The following DPRX variants were observed in gnomAD, a reference collection of about 807,000 sequenced individuals.
The protein encoded by DPRX is divergent paired-related homeobox.
Under a neutral mutation model 8.4 loss-of-function variants are expected in DPRX, and 11 were observed. That is an observed-to-expected ratio of 1.31 (90% CI 0.82 to 2.17). The LOEUF (loss-of-function observed/expected upper bound fraction) is 2.17, where lower values mean the gene tolerates loss of function less well. Ranked by LOEUF, DPRX falls within the 30% of genes most tolerant of loss-of-function variation. The pLI, the probability that DPRX is intolerant of heterozygous loss-of-function variation, is 0.00. For synonymous variants in DPRX, 72 were observed against 87.0 expected, an observed-to-expected ratio of 0.83 and a Z score of 0.96; for missense variants, 211 against 236.7, an observed-to-expected ratio of 0.89 and a Z score of 0.71.
chr19:53,631,349 G>C (rs1212803149), upstream of DPRX, among the ~76,000 whole-genome samples: 3 of 151,888 alleles, frequency 2.0e-5, no homozygotes, highest in Admixed American at 2.0e-4. Flanking sequence ...ACTAAATCAG[G>C]ATATGCAGAA....
exon 2 of DPRX, chr19:53,634,650 G>T: frequency 6.2e-7 from 1 of 1,613,888 alleles, no homozygotes; most frequent in Non-Finnish European, 8.5e-7. Context: ...GAAAGAAATG[G>T]CCTCGAAAAT....
At chr19:53,627,435 CTTTCTTT>C (rs1368375519), upstream of DPRX, among the ~76,000 whole-genome samples, 1 of 102,540 alleles carries the variant, frequency 9.8e-6, no homozygotes, top group East Asian at 2.7e-4. Context: ...TTCTTTCTTT[CTTTCTTT>C]TTTTTTTTTT....
intron 2 of DPRX, among the ~76,000 whole-genome samples, chr19:53,636,211 C>G (rs1306892582): frequency 1.3e-5 from 2 of 151,650 alleles, no homozygotes; most frequent in African/African-American, 4.8e-5. Context: ...ACTAAAAATA[C>G]AAAAATTAGC....
At chr19:53,636,871 C>T (rs2091115008) in exon 3 of DPRX, 1 of 1,614,196 alleles carries the variant, frequency 6.2e-7, no homozygotes, top group Non-Finnish European at 8.5e-7. Context: ...TCCATTTTGG[C>T]TGCTGCCGAG....
upstream of DPRX, among the ~76,000 whole-genome samples, chr19:53,629,430 T>A (rs1476404459): frequency 1.3e-5 from 2 of 151,532 alleles, no homozygotes; most frequent in Admixed American, 1.3e-4. Context: ...ACATATTATA[T>A]AATGTAATTT....
exon 3 of DPRX, chr19:53,636,677 C>A: frequency 6.2e-7 from 1 of 1,614,114 alleles, no homozygotes; most frequent in Non-Finnish European, 8.5e-7. Flanking sequence ...TCCACAACCG[C>A]CAATACCAGA....
the DPRX span, among the ~76,000 whole-genome samples, chr19:53,620,312 G>A: frequency 3.2e-4 from 49 of 151,522 alleles, no homozygotes; most frequent in African/African-American, 1.0e-3. Flanking sequence ...CTCATGATCC[G>A]CCCACCTTGG....
chr19:53,634,442 T>C (rs1373480536), intron 1 of DPRX, 89 bp from the exon 2 acceptor site: 1 of 1,489,660 alleles, frequency 6.7e-7, no homozygotes, highest in East Asian at 2.3e-5. Flanking sequence ...CATCACGTTG[T>C]ACCTCAGTGG....
the DPRX span, among the ~76,000 whole-genome samples, chr19:53,615,186 G>A: frequency 6.6e-6 from 1 of 151,896 alleles, no homozygotes; most frequent in Non-Finnish European, 1.5e-5. Context: ...TGACCAGGCT[G>A]GTCTCGAACT....
At chr19:53,608,235 T>A in the DPRX span, 3 of 146,542 alleles carry the variant, frequency 2.0e-5, no homozygotes, top group East Asian at 2.0e-4. Flanking sequence ...AATTAAAAAA[T>A]AAAAAAAAAT....
At chr19:53,614,883 G>T in the DPRX span, among the ~76,000 whole-genome samples, 1 of 151,964 alleles carries the variant, frequency 6.6e-6, no homozygotes, top group South Asian at 2.1e-4. Flanking sequence ...ACTTTGGGAG[G>T]CTAAGGCAGG....
chr19:53,602,641 C>A, the DPRX span, among the ~76,000 whole-genome samples: 1 of 151,268 alleles, frequency 6.6e-6, no homozygotes, highest in African/African-American at 2.4e-5. Flanking sequence ...TCAAATAATT[C>A]TCCTGCCTCA....
At chr19:53,624,895 T>G in the DPRX span, among the ~76,000 whole-genome samples, 2,574 of 147,856 alleles carry the variant, frequency 0.017, 69 homozygotes, top group African/African-American at 0.061. Context: ...ACAAATCAGA[T>G]GAGATCGGGC....
chr19:53,609,856 A>T, the DPRX span, among the ~76,000 whole-genome samples: 32 of 152,038 alleles, frequency 2.1e-4, no homozygotes, highest in Admixed American at 1.1e-3. Context: ...GTGGTGGCAC[A>T]CACCTATAGT....
chr19:53,613,062 A>T, the DPRX span, among the ~76,000 whole-genome samples: 1 of 152,100 alleles, frequency 6.6e-6, no homozygotes, highest in African/African-American at 2.4e-5. Flanking sequence ...GGGAAAAGGG[A>T]TTCTGGTGTC....
chr19:53,636,596 G>C, exon 3 of DPRX: 1 of 1,605,496 alleles, frequency 6.2e-7, no homozygotes, highest in Admixed American at 1.7e-5. Flanking sequence ...TTCCCTTCAG[G>C]TCTGGTTCAA....
At chr19:53,607,699 A>AC in the DPRX span, among the ~76,000 whole-genome samples, 1 of 149,774 alleles carries the variant, frequency 6.7e-6, no homozygotes, top group East Asian at 2.0e-4. Context: ...CAAAAAAAAA[A>AC]AAAAACCAAA....
rs530457264 is a variant in DPRX, at chr19:53,633,671, A to G, written c.29-860A>G. ...ACTACAGGCGTGCACCATCACGCCCAGCTAATTTTTGTACTTTTAGTAGAG... is the reference window on the plus strand; with the variant it reads ...ACTACAGGCGTGCACCATCACGCCCGGCTAATTTTTGTACTTTTAGTAGAG... On this transcript the variant is annotated intron_variant, in intron 1 of 2. Coordinates refer to ENST00000376650, the Ensembl canonical transcript of DPRX. Among the ~76,000 whole-genome samples the G allele has an allele frequency of 3.3e-5, 5 of 152,146 alleles. No individual in the cohort carries two copies. The East Asian group carries it at 9.7e-4, about 30-fold the overall frequency.
chr19:53,626,744 G>T, the DPRX span, among the ~76,000 whole-genome samples: 3 of 152,164 alleles, frequency 2.0e-5, no homozygotes, highest in Non-Finnish European at 2.9e-5. Flanking sequence ...TCTCTCCCAG[G>T]CTGGGGTGCA....
Sources: gnomAD v4.1 joint callset for allele counts (sites outside exome capture counted in the v4.1 genomes callset) on GRCh38, gnomAD v4.1.1 for gene constraint, MANE v1.5 for transcripts, NCBI Gene and HGNC (gene_info 2026-07-23, HGNC 2026-07-21) for gene names.